RORA: variants seen among roughly 807,000 people sequenced by gnomAD.
The protein encoded by RORA is RAR related orphan receptor A, also known as nuclear receptor ROR-alpha.
A neutral mutation model predicts 69.5 loss-of-function variants in RORA; 7 were observed. The ratio of observed to expected loss-of-function variants is 0.10; its 90% CI spans 0.06 to 0.19. The LOEUF (loss-of-function observed/expected upper bound fraction) is 0.19. Ranked by LOEUF, RORA falls within the 10% of genes least tolerant of loss-of-function variation. The probability of loss-of-function intolerance (pLI) is 1.00; values close to 1 mark genes in which losing one functional copy is unlikely to be tolerated. For synonymous variants in RORA, 261 were observed against 240.8 expected, an observed-to-expected ratio of 1.08 and a Z score of -0.78; for missense variants, 457 against 663.0, an observed-to-expected ratio of 0.69 and a Z score of 3.41.
intron 1 of RORA, among the ~76,000 whole-genome samples, chr15:61,093,581 G>A (rs925938297): frequency 2.0e-5 from 3 of 152,194 alleles, no homozygotes; most frequent in African/African-American, 4.8e-5. Context: ...TCTATACCCC[G>A]ATATGGTAGT....
intron 1 of RORA, among the ~76,000 whole-genome samples, chr15:60,811,868 T>C (rs944131235): frequency 4.3e-4 from 65 of 152,230 alleles, no homozygotes; most frequent in Admixed American, 2.6e-4. Context: ...TAATTTCATT[T>C]ACTGTCTCTT....
intron 2 of RORA, among the ~76,000 whole-genome samples, chr15:60,559,515 G>A (rs534955750): frequency 6.6e-6 from 1 of 152,282 alleles, no homozygotes; most frequent in South Asian, 2.1e-4. Flanking sequence ...TGAACTTTGG[G>A]TCTCTGTTTT....
chr15:61,161,597 T>G (rs2079496442), intron 1 of RORA, among the ~76,000 whole-genome samples: 1 of 152,158 alleles, frequency 6.6e-6, no homozygotes, highest in African/African-American at 2.4e-5. Context: ...TTTTATTGTT[T>G]TGACTGTTCT....
intron 1 of RORA, among the ~76,000 whole-genome samples, chr15:61,037,739 T>C (rs933909446): frequency 6.6e-6 from 1 of 152,064 alleles, no homozygotes; most frequent in Non-Finnish European, 1.5e-5. Context: ...GGTCATAATC[T>C]AGTGGGAAAA....
rs1237207253 is a variant in RORA at position 60,499,756 on chromosome 15, T to C, written c.1407+136A>G. On this transcript the variant is annotated intron_variant, in intron 10 of 10. Transcript: ENST00000335670. ...CAACAGAATTTTTTTGAAATGGAAA[T>C]TTATTTCTTTTTAGTAGCCTGTTGC... is the stretch of plus-strand genomic sequence containing the variant. The C allele has an allele frequency of 5.6e-6, 3 of 535,608 alleles. No individual in the cohort carries two copies. In the African/African-American group the frequency reaches 5.9e-5, roughly 10 times the overall value. 33.2% of individuals were successfully genotyped at this position (535,608 alleles called of 1,614,324 possible). A position where few individuals can be genotyped will look rare whatever the true frequency, so the allele number is the denominator to read the frequency against.
rs1033029232 is a variant in RORA, at chr15:60,533,860, G to A, written c.197-2009C>T. ...GCTTCTGTCCATGTCTCACCTCAAGGTGTAATGACAGAAATTAGGGATGAA... is the reference window on the plus strand; with the variant it reads ...GCTTCTGTCCATGTCTCACCTCAAGATGTAATGACAGAAATTAGGGATGAA... On this transcript the variant is annotated intron_variant, in intron 2 of 10. Transcript: ENST00000335670. 5.3e-5 allele frequency among the ~76,000 whole-genome samples: 8 copies of A among 152,172 alleles called. 1 individual carries two copies. The highest frequency in any genetic ancestry group is 1.3e-4 in the Admixed American group (2 of 15,284).
At chr15:61,024,069 G>A (rs758186579) in intron 1 of RORA, among the ~76,000 whole-genome samples, 129 of 152,048 alleles carry the variant, frequency 8.5e-4, no homozygotes, top group Non-Finnish European at 1.2e-3. Flanking sequence ...TAAAGGCCAC[G>A]GCATACTTCT....
At chr15:60,762,176 C>T (rs150817043) in intron 1 of RORA, among the ~76,000 whole-genome samples, 177 of 152,226 alleles carry the variant, frequency 1.2e-3, no homozygotes, top group African/African-American at 3.8e-3. Context: ...GGTGATTCTT[C>T]CTTTTTGGTC....
intron 1 of RORA, among the ~76,000 whole-genome samples, chr15:60,704,455 CA>C (rs11285737): frequency 0.18 from 27,130 of 151,726 alleles, 3,083 homozygotes; most frequent in African/African-American, 0.32. Context: ...AGCTGAGATG[CA>C]AAAAAAATAA....
At chr15:60,820,661 G>C (rs1408443185) in intron 1 of RORA, among the ~76,000 whole-genome samples, 2 of 152,132 alleles carry the variant, frequency 1.3e-5, no homozygotes, top group African/African-American at 4.8e-5. Context: ...GGTGGCAGGT[G>C]AATGGGTCCT....
At chr15:60,624,100 G>T (rs922998265) in intron 2 of RORA, among the ~76,000 whole-genome samples, 1 of 152,062 alleles carries the variant, frequency 6.6e-6, no homozygotes, top group Non-Finnish European at 1.5e-5. Context: ...TTACTCACTG[G>T]TGGAATCAAA....
At chr15:61,109,969 C>A (rs749371164) in intron 1 of RORA, among the ~76,000 whole-genome samples, 2 of 152,178 alleles carry the variant, frequency 1.3e-5, no homozygotes, top group Non-Finnish European at 2.9e-5. Context: ...AGCGGTCCCA[C>A]AGGATTATAA....
At chr15:60,780,151 T>C (rs560506176) in intron 1 of RORA, among the ~76,000 whole-genome samples, 4 of 152,296 alleles carry the variant, frequency 2.6e-5, no homozygotes, top group Admixed American at 2.6e-4. Flanking sequence ...GAGAATTTTC[T>C]TTCTTTTTTG....
intron 2 of RORA, chr15:60,627,534 T>C: frequency 7.1e-7 from 1 of 1,418,070 alleles, no homozygotes; most frequent in South Asian, 1.7e-5. Context: ...GTGAATCTGC[T>C]GCCATGGGCA....
chr15:60,998,643 C>A (rs1174789105), intron 1 of RORA, among the ~76,000 whole-genome samples: 1 of 152,202 alleles, frequency 6.6e-6, no homozygotes, highest in Non-Finnish European at 1.5e-5. Flanking sequence ...AGGTGATCTG[C>A]CGGCCTCAGT....
At chr15:61,171,970 A>G (rs1207814313) in intron 1 of RORA, among the ~76,000 whole-genome samples, 1 of 152,170 alleles carries the variant, frequency 6.6e-6, no homozygotes, top group Non-Finnish European at 1.5e-5. Flanking sequence ...TGTTATTTAG[A>G]TGTGACCCTA....
rs1278131603 is a variant in RORA, at chr15:60,807,454, T to A, written c.167-128768A>T. 2.0e-5 allele frequency among the ~76,000 whole-genome samples: 3 copies of A among 152,210 alleles called. No individual in the cohort carries two copies. In the East Asian group the frequency reaches 5.8e-4, roughly 29 times the overall value. On this transcript the variant is annotated intron_variant, in intron 1 of 10. Coordinates refer to ENST00000335670, the MANE Select transcript of RORA (RefSeq NM_134261.3). ...CACAAACAAATGAAAACATATCCCA[T>A]GCTCATGGATGGGTAGAATCGACAT...
chr15:60,515,947 ATTTATATATT>A (rs2065865027), intron 3 of RORA, among the ~76,000 whole-genome samples: 1 of 13,780 alleles, frequency 7.3e-5, no homozygotes, highest in African/African-American at 3.8e-4. Context: ...ATTTATATAT[ATTTATATATT>A]TATATTTATA....
chr15:60,993,551 G>A (rs2140371953), intron 1 of RORA, among the ~76,000 whole-genome samples: 1 of 147,168 alleles, frequency 6.8e-6, no homozygotes, highest in South Asian at 2.2e-4. Context: ...GCTGAGGCAG[G>A]AGAATTGCTT....
Sources: allele counts gnomAD v4.1 joint callset (sites outside exome capture counted in the v4.1 genomes callset), GRCh38; gene constraint gnomAD v4.1.1; transcripts MANE v1.5; gene names NCBI Gene and HGNC (gene_info 2026-07-23, HGNC 2026-07-21).